Variants in DPYD observed in about 807,000 individuals in gnomAD.
DPYD encodes the protein dihydropyrimidine dehydrogenase [NADP(+)].
DPYD carries 109 observed loss-of-function variants against 116.2 expected under a neutral mutation model. The ratio of observed to expected loss-of-function variants is 0.94; its 90% CI spans 0.80 to 1.10. The LOEUF (loss-of-function observed/expected upper bound fraction) is 1.10, where lower values mean the gene tolerates loss of function less well. Among genes scored for constraint, DPYD ranks in the 50% least tolerant of loss-of-function variants. The pLI, the probability that DPYD is intolerant of heterozygous loss-of-function variation, is 0.00. For synonymous variants in DPYD, 440 were observed against 432.0 expected (o/e 1.02, Z -0.23); for missense variants, 1,302 against 1,254.5 (o/e 1.04, Z -0.57).
intron 1 of DPYD, among the ~76,000 whole-genome samples, chr1:97,909,290 A>G (rs1673803504): frequency 6.6e-6 from 1 of 151,884 alleles, no homozygotes. Context: ...CCTATTCTAA[A>G]CCTTATATTA....
rs374434561 is a variant in DPYD, at chr1:97,907,578, C to T, written c.39+13306G>A. 4.9e-4 allele frequency among the ~76,000 whole-genome samples: 74 copies of T among 152,192 alleles called. 3 individuals carry two copies. The South Asian group carries it at 0.013, about 27-fold the overall frequency. ...ATTTAGGAATAGTCAACCCCAATTA[C>T]TTCCTTCAACTACAAAAATTTGAAT... On this transcript the variant is annotated intron_variant, in intron 1 of 22. Coordinates refer to ENST00000370192, the MANE Select transcript of DPYD (RefSeq NM_000110.4).
intron 2 of DPYD, among the ~76,000 whole-genome samples, chr1:97,866,272 G>A (rs769259276): frequency 9.9e-5 from 15 of 151,968 alleles, no homozygotes; most frequent in Non-Finnish European, 2.2e-4. Flanking sequence ...AATTACTCAT[G>A]TGGTGGCTAA....
chr1:97,795,137 C>CT (rs1571369974), intron 3 of DPYD, among the ~76,000 whole-genome samples: 1 of 152,112 alleles, frequency 6.6e-6, no homozygotes, highest in African/African-American at 2.4e-5. Context: ...TAAAGTCATA[C>CT]TTCTTTATGT....
At chr1:97,285,630 T>C (rs1400770806) in intron 18 of DPYD, among the ~76,000 whole-genome samples, 1 of 152,048 alleles carries the variant, frequency 6.6e-6, no homozygotes, top group African/African-American at 2.4e-5. Context: ...TTTGTGAAAA[T>C]TTCTTGGCCA....
rs145805470 is a variant in DPYD at position 97,835,968 on chromosome 1, C to T, written c.151-7772G>A. Reference sequence around the variant, plus strand: ...TGACCCATCTCCACTAAATTAATTACCACCACAGGGAAACCACAGCTACAC... The same window carrying T: ...TGACCCATCTCCACTAAATTAATTATCACCACAGGGAAACCACAGCTACAC... On this transcript the variant is annotated intron_variant, in intron 2 of 22. Coordinates refer to ENST00000370192, the MANE Select transcript of DPYD (RefSeq NM_000110.4). 3.3e-3 allele frequency among the ~76,000 whole-genome samples: 503 copies of T among 152,236 alleles called. 4 individuals carry two copies. Among genetic ancestry groups the T allele is most frequent in the Non-Finnish European group, 4.5e-3 (305 of 67,988 alleles).
intron 19 of DPYD, among the ~76,000 whole-genome samples, chr1:97,232,410 A>G (rs1661639344): frequency 6.6e-6 from 1 of 152,162 alleles, no homozygotes; most frequent in Admixed American, 6.6e-5. Flanking sequence ...TTGGAAGTCT[A>G]CCTTGACCTC....
intron 21 of DPYD, among the ~76,000 whole-genome samples, chr1:97,089,937 G>A (rs1649788751): frequency 6.6e-6 from 1 of 151,316 alleles, no homozygotes; most frequent in South Asian, 2.1e-4. Flanking sequence ...GGATAACACT[G>A]GGCATAACCA....
chr1:97,699,342 A>G lies in DPYD; in HGVS notation c.680+9T>C, dbSNP rs1447846896. ...GACACTATAAACATGAAATAAATGT[A>G]GGCATTACCTTAAACCACCAACATA... On this transcript the variant is annotated intron_variant, in intron 6 of 22. Coordinates refer to ENST00000370192, the MANE Select transcript of DPYD (RefSeq NM_000110.4). 1 of 1,610,512 alleles carries G rather than the reference A, an allele frequency of 6.2e-7. No homozygotes were observed. The highest frequency in any genetic ancestry group is 1.7e-5 in the Admixed American group (1 of 59,956).
chr1:97,298,110 C>T (rs1335208655), intron 18 of DPYD, among the ~76,000 whole-genome samples: 3 of 152,122 alleles, frequency 2.0e-5, no homozygotes, highest in Non-Finnish European at 4.4e-5. Flanking sequence ...TACTATACCC[C>T]TCTAATTTTA....
chr1:97,810,005 G>A (rs954837715), intron 3 of DPYD, among the ~76,000 whole-genome samples: 5 of 152,086 alleles, frequency 3.3e-5, no homozygotes, highest in East Asian at 1.9e-4. Flanking sequence ...AACAAGCACC[G>A]GCCGGGCGTG....
At chr1:97,453,200 C>A (rs572888870) in intron 13 of DPYD, among the ~76,000 whole-genome samples, 1 of 152,206 alleles carries the variant, frequency 6.6e-6, no homozygotes, top group African/African-American at 2.4e-5. Context: ...CTTCTAAGAC[C>A]TTCCTGGTTG....
intron 10 of DPYD, among the ~76,000 whole-genome samples, chr1:97,584,034 G>C (rs1187274894): frequency 6.6e-6 from 1 of 152,180 alleles, no homozygotes; most frequent in Non-Finnish European, 1.5e-5. Context: ...CCCACGAACA[G>C]TGTAAAAGTG....
rs1225197670 is a variant in DPYD at position 97,189,510 on chromosome 1, C to A, written c.2622+3559G>T. Among the ~76,000 whole-genome samples the A allele has an allele frequency of 2.6e-5, 4 of 152,154 alleles. No homozygotes were observed. In the South Asian group the frequency reaches 8.3e-4, roughly 31 times the overall value. ...CAAAATTTGTTGTTCAAATATCGGA[C>A]TGTCCAATTTCTTTCATGTTTCTTA... On this transcript the variant is annotated intron_variant, in intron 20 of 22. Coordinates refer to ENST00000370192, the MANE Select transcript of DPYD (RefSeq NM_000110.4).
At chr1:97,601,065 C>T (rs1255541076) in intron 8 of DPYD, among the ~76,000 whole-genome samples, 1 of 152,044 alleles carries the variant, frequency 6.6e-6, no homozygotes, top group Non-Finnish European at 1.5e-5. Context: ...AGAACAAAAT[C>T]ATGTCTCAGA....
chr1:97,283,062 T>C (rs1459232953), intron 18 of DPYD, among the ~76,000 whole-genome samples: 3 of 152,132 alleles, frequency 2.0e-5, no homozygotes, highest in African/African-American at 7.2e-5. Context: ...GATTTTCAAA[T>C]AGGATAAACA....
At chr1:97,419,492 C>T (rs1437500781) in intron 14 of DPYD, among the ~76,000 whole-genome samples, 1 of 152,080 alleles carries the variant, frequency 6.6e-6, no homozygotes, top group Non-Finnish European at 1.5e-5. Context: ...CACCGATATT[C>T]CAATTTTAAT....
intron 1 of DPYD, among the ~76,000 whole-genome samples, chr1:97,918,003 T>C (rs1307236268): frequency 6.6e-6 from 1 of 152,152 alleles, no homozygotes; most frequent in East Asian, 1.9e-4. Context: ...CAATGTCCAA[T>C]ACTAACCTTC....
At chr1:97,101,878 G>A (rs1460975066) in intron 20 of DPYD, among the ~76,000 whole-genome samples, 1 of 151,910 alleles carries the variant, frequency 6.6e-6, no homozygotes, top group Non-Finnish European at 1.5e-5. Context: ...TGTTTCAATA[G>A]TTTCTCCAGG....
chr1:97,797,393 A>G (rs895311759), intron 3 of DPYD: 3 of 152,120 alleles, frequency 2.0e-5, no homozygotes, highest in Admixed American at 2.0e-4. Context: ...TCCTACCTAC[A>G]AAGTTACAGA....
Sources: allele counts gnomAD v4.1 joint callset (sites outside exome capture counted in the v4.1 genomes callset), GRCh38; gene constraint gnomAD v4.1.1; transcripts MANE v1.5; gene names NCBI Gene and HGNC (gene_info 2026-07-23, HGNC 2026-07-21).